The following KCNJ5 variants were observed in gnomAD, a reference collection of about 807,000 sequenced individuals.
The protein encoded by KCNJ5 is potassium inwardly rectifying channel subfamily J member 5.
In KCNJ5, 12 loss-of-function variants were observed where a neutral mutation model predicts 20.2. The observed-to-expected ratio is 0.59, with a 90% CI of 0.38 to 0.96. The LOEUF is 0.96. Among genes scored for constraint, KCNJ5 ranks in the 40% least tolerant of loss-of-function variants. KCNJ5 has a pLI of 0.00. For missense variants in KCNJ5, 449 were observed against 557.6 expected (o/e 0.81, Z 1.96); for synonymous variants, 210 against 213.9 (o/e 0.98, Z 0.16).
chr11:128,894,441 G>A (rs1400015357), intron 1 of KCNJ5, among the ~76,000 whole-genome samples: 1 of 152,210 alleles, frequency 6.6e-6, no homozygotes, highest in East Asian at 1.9e-4. Flanking sequence ...GGATGAAAAT[G>A]TTCACTGTGT....
intron 1 of KCNJ5, chr11:128,900,223 A>G (rs1944251947): frequency 6.6e-6 from 1 of 152,206 alleles, no homozygotes; most frequent in South Asian, 2.1e-4. Flanking sequence ...GAACTCCCCA[A>G]GCAAAATGCC....
chr11:128,910,045 G>C (rs1239776322), intron 1 of KCNJ5: 1 of 152,184 alleles, frequency 6.6e-6, no homozygotes, highest in Non-Finnish European at 1.5e-5. Context: ...TCTGAAAAAT[G>C]GGGGGATAAT....
At chr11:128,902,242 A>T (rs12362800) in intron 1 of KCNJ5, 81,793 of 428,074 alleles carry the variant, frequency 0.19, 9,141 homozygotes, top group Non-Finnish European at 0.24. Context: ...GGTAATCAGC[A>T]TCCATTACAT....
At chr11:128,895,386 C>CA (rs957379320) in intron 1 of KCNJ5, among the ~76,000 whole-genome samples, 15 of 149,876 alleles carry the variant, frequency 1.0e-4, no homozygotes, top group African/African-American at 3.5e-4. Context: ...GCCCCCACCC[C>CA]CCCCCCAACC....
intron 1 of KCNJ5, chr11:128,901,305 C>T (rs1417006526): frequency 6.6e-6 from 1 of 152,348 alleles, no homozygotes; most frequent in East Asian, 1.9e-4. Context: ...ATAATGGACA[C>T]ATTACACTTA....
In KCNJ5 at chr11:128,893,063, G is replaced by C. The variant is rs140092496; in HGVS notation, c.-11+1342G>C. ...TTTTCCTCAAAGCCAGGTGTAAATT[G>C]CATCATCTGGCTGAATGAGGCGCTC... On this transcript the variant is annotated intron_variant, in intron 1 of 2. Transcript: ENST00000529694. 3.3e-4 allele frequency among the ~76,000 whole-genome samples: 50 copies of C among 152,322 alleles called. 1 individual carries two copies. In the East Asian group the frequency reaches 8.5e-3, roughly 26 times the overall value.
At chr11:128,900,780 A>T (rs948572793) in intron 1 of KCNJ5, 1 of 152,256 alleles carries the variant, frequency 6.6e-6, no homozygotes, top group Non-Finnish European at 1.5e-5. Flanking sequence ...AAGGGGACTA[A>T]TGTGATAGGA....
At chr11:128,910,877 G>C (rs1944486293) in intron 1 of KCNJ5, among the ~76,000 whole-genome samples, 1 of 152,198 alleles carries the variant, frequency 6.6e-6, no homozygotes, top group African/African-American at 2.4e-5. Context: ...GTGAATTGCT[G>C]TGGCGATAAG....
chr11:128,900,975 A>C (rs1312498864), intron 1 of KCNJ5: 1 of 152,226 alleles, frequency 6.6e-6, no homozygotes, highest in African/African-American at 2.4e-5. Flanking sequence ...GGTAGGATAG[A>C]ATTTTTCCTG....
At position 128,917,466 on chromosome 11, in the gene KCNJ5, G is replaced by A. The variant is rs944967692; in HGVS notation, c.*735G>A. The A allele has an allele frequency of 6.6e-6, 1 of 152,414 alleles. No individual in the cohort carries two copies. The highest frequency in any genetic ancestry group is 2.4e-5 in the African/African-American group (1 of 41,462). The allele number at this position is 152,414 out of a possible 1,614,324, so 9.4% of individuals were successfully genotyped here. A position where few individuals can be genotyped will look rare whatever the true frequency, so the allele number is the denominator to read the frequency against. ...TGCATAGTGGCATCAGCAGCTTCCTGGCCTACTCCCAATCACACTGTGCCC... is the reference window on the plus strand; with the variant it reads ...TGCATAGTGGCATCAGCAGCTTCCTAGCCTACTCCCAATCACACTGTGCCC... On this transcript the variant is annotated 3_prime_UTR_variant, in exon 3 of 3. Transcript: ENST00000529694.
At chr11:128,916,212 G>T (rs1944578513) in intron 2 of KCNJ5, among the ~76,000 whole-genome samples, 197 bp from the exon 3 acceptor site, 2 of 147,910 alleles carry the variant, frequency 1.4e-5, no homozygotes, top group African/African-American at 2.5e-5. Flanking sequence ...ATGGATGGAT[G>T]GATGGATGGA....
rs371679663 is a variant in KCNJ5, at chr11:128,902,524, G to A, written c.-10-8740G>A. ...AGCCGTCTGCATGGGGGAGGGGGCT[G>A]GGGAGCACAGGGCTATTGGCAAGGA... On this transcript the variant is annotated intron_variant, in intron 1 of 2. Transcript: ENST00000529694. 1.7e-4 allele frequency: 265 copies of A among 1,570,344 alleles called. No homozygotes were observed. The African/African-American group carries it at 3.4e-3, about 20-fold the overall frequency.
chr11:128,911,220 A>G lies in KCNJ5; in HGVS notation c.-10-44A>G. 1.3e-6 allele frequency: 2 copies of G among 1,525,496 alleles called. No homozygotes were observed. The highest frequency in any genetic ancestry group is 9.1e-7 in the Non-Finnish European group (1 of 1,101,098). The allele number at this position is 1,525,496 out of a possible 1,614,324, so 94.5% of individuals were successfully genotyped here. On this transcript the variant is annotated intron_variant, in intron 1 of 2. Coordinates refer to ENST00000529694, the MANE Select transcript of KCNJ5 (RefSeq NM_000890.5). The surrounding 1 kb of genome is among the most constrained non-coding windows in gnomAD (Gnocchi z 6.3). Reference sequence around the variant, plus strand: ...GGCCTTCCATCTTGTGTTCTAGTGAATCAGAACAGCCCACTTCACTGATGG... The same window carrying G: ...GGCCTTCCATCTTGTGTTCTAGTGAGTCAGAACAGCCCACTTCACTGATGG...
At position 128,911,869 on chromosome 11, in the gene KCNJ5, C is replaced by A. The variant is rs1330124040; in HGVS notation, c.596C>A (p.Thr199Asn). The change falls in exon 2 of 3, where the codon ACC becomes AAC. Residue 199 changes from threonine to asparagine, a missense_variant. Transcript: ENST00000529694. The surrounding 1 kb of genome is among the most constrained non-coding windows in gnomAD (Gnocchi z 6.3). ...KISQPKKRAE[T>N]LMFSNNAVIS... ...AGCCAGCCCAAGAAGAGAGCGGAGA[C>A]CCTCATGTTTTCCAACAACGCAGTC... 6.2e-7 allele frequency: 1 copy of A among 1,611,604 alleles called. No homozygotes were observed. Among genetic ancestry groups the A allele is most frequent in the Non-Finnish European group, 8.5e-7 (1 of 1,177,956 alleles).
In KCNJ5 at chr11:128,912,139, T is replaced by C. The variant is rs936797038; in HGVS notation, c.866T>C (p.Met289Thr). The C allele has an allele frequency of 1.2e-6, 2 of 1,612,276 alleles. No individual in the cohort carries two copies. Among genetic ancestry groups the C allele is most frequent in the Non-Finnish European group, 1.7e-6 (2 of 1,180,012 alleles). The change falls in exon 2 of 3, where the codon ATG becomes ACG. Residue 289 changes from methionine to threonine, a missense_variant. Coordinates refer to ENST00000529694, the MANE Select transcript of KCNJ5 (RefSeq NM_000890.5). ...AACCAGAAGAGCCCTTTCTGGGAGATGTCTCAGGCTCAGCTGCATCAGGAA... is the reference window on the plus strand; with the variant it reads ...AACCAGAAGAGCCCTTTCTGGGAGACGTCTCAGGCTCAGCTGCATCAGGAA... ...EINQKSPFWE[M>T]SQAQLHQEEF...
intron 1 of KCNJ5, among the ~76,000 whole-genome samples, chr11:128,896,928 T>C (rs908369639): frequency 1.3e-5 from 2 of 152,058 alleles, no homozygotes; most frequent in Non-Finnish European, 2.9e-5. Context: ...CTGTTTTCCA[T>C]TGTGACTATG....
chr11:128,895,108 T>C (rs1474534672), intron 1 of KCNJ5, among the ~76,000 whole-genome samples: 1 of 113,168 alleles, frequency 8.8e-6, no homozygotes, highest in African/African-American at 3.5e-5. Context: ...GGGGGAGAAA[T>C]GGAGGGGTTG....
chr11:128,912,420 A>C (rs1363285748), intron 2 of KCNJ5, among the ~76,000 whole-genome samples: 1 of 152,230 alleles, frequency 6.6e-6, no homozygotes, highest in Non-Finnish European at 1.5e-5. Context: ...CCCAACTTTC[A>C]GGCACTGTCC....
chr11:128,911,906 G>C lies in KCNJ5; in HGVS notation c.633G>C (p.Arg211=). Residue 211 remains arginine (R), a synonymous_variant, in exon 2 of 3, where the codon CGG becomes CGC. Coordinates refer to ENST00000529694, the MANE Select transcript of KCNJ5 (RefSeq NM_000890.5). This position sits in a 1 kb window ranked among gnomAD's most constrained non-coding sequence, Gnocchi z 6.3. Reference sequence around the variant, plus strand: ...CCAACAACGCAGTCATCTCCATGCGGGACGAGAAGCTGTGCCTCATGTTCC... The same window carrying C: ...CCAACAACGCAGTCATCTCCATGCGCGACGAGAAGCTGTGCCTCATGTTCC... ...MFSNNAVISM[R]DEKLCLMFRV... 1 of 1,606,296 alleles carries C rather than the reference G, an allele frequency of 6.2e-7. No homozygotes were observed. Among genetic ancestry groups the C allele is most frequent in the Non-Finnish European group, 8.5e-7 (1 of 1,174,390 alleles).
Sources: gnomAD v4.1 joint callset for allele counts (sites outside exome capture counted in the v4.1 genomes callset) on GRCh38, gnomAD v4.1.1 for gene constraint, Gnocchi (gnomAD v3.1) non-coding constraint, MANE v1.5 for transcripts, NCBI Gene and HGNC (gene_info 2026-07-23, HGNC 2026-07-21) for gene names.